The following CCDC7 variants were observed in gnomAD, a reference collection of about 807,000 sequenced individuals.
CCDC7 encodes coiled-coil domain containing 7.
CCDC7 carries 183 observed loss-of-function variants against 196.9 expected under a neutral mutation model. That is an observed-to-expected ratio of 0.93 (90% CI 0.82 to 1.05). The LOEUF (loss-of-function observed/expected upper bound fraction) is 1.05, where lower values mean the gene tolerates loss of function less well. Among genes scored for constraint, CCDC7 ranks in the 50% least tolerant of loss-of-function variants. The pLI is 0.00. For synonymous variants in CCDC7, 525 were observed against 484.6 expected, an observed-to-expected ratio of 1.08 and a Z score of -1.10; for missense variants, 1,540 against 1,482.2, an observed-to-expected ratio of 1.04 and a Z score of -0.64.
chr10:32,666,916 G>A (rs940486253), intron 21 of CCDC7, among the ~76,000 whole-genome samples: 60 of 152,066 alleles, frequency 3.9e-4, no homozygotes, highest in African/African-American at 1.3e-3. Context: ...GGGTCAAATG[G>A]TATTTCTAGT....
At chr10:32,518,444 AGTT>A (rs1323921964) in exon 11 of CCDC7, 3 of 1,605,168 alleles carry the variant, frequency 1.9e-6, no homozygotes, top group Non-Finnish European at 2.6e-6. Flanking sequence ...TGTGATTTTC[AGTT>A]GTTATCAGAA....
chr10:32,832,144 A>G (rs777694224), intron 32 of CCDC7, among the ~76,000 whole-genome samples: 12 of 152,212 alleles, frequency 7.9e-5, no homozygotes, highest in Non-Finnish European at 1.3e-4. Flanking sequence ...TTGTATGGTT[A>G]CATGAGTGTA....
chr10:32,809,396 A>T (rs2135281818), intron 30 of CCDC7, among the ~76,000 whole-genome samples: 1 of 152,306 alleles, frequency 6.6e-6, no homozygotes, highest in African/African-American at 2.4e-5. Context: ...TAAGAAAAGA[A>T]CCAAACAGAA....
intron 28 of CCDC7, among the ~76,000 whole-genome samples, chr10:32,739,895 T>C (rs2085531838): frequency 6.6e-6 from 1 of 151,928 alleles, no homozygotes; most frequent in Non-Finnish European, 1.5e-5. Context: ...GGTTTCCTTT[T>C]AGATAGGGTC....
chr10:32,625,993 A>G, intron 18 of CCDC7, among the ~76,000 whole-genome samples: 1 of 152,108 alleles, frequency 6.6e-6, no homozygotes, highest in Non-Finnish European at 1.5e-5. Context: ...TGATTCCATT[A>G]CTTGGCTATC....
intron 9 of CCDC7, among the ~76,000 whole-genome samples, chr10:32,494,169 G>C (rs2042552749): frequency 6.6e-6 from 1 of 152,028 alleles, no homozygotes; most frequent in Admixed American, 6.6e-5. Flanking sequence ...TACAGTTTCA[G>C]GTTTTACGTT....
chr10:32,556,995 G>A (rs760639834), intron 13 of CCDC7, among the ~76,000 whole-genome samples: 2 of 152,148 alleles, frequency 1.3e-5, no homozygotes, highest in African/African-American at 2.4e-5. Flanking sequence ...TGTTGAAATC[G>A]CTTGTGCAGT....
At chr10:32,558,674 C>T (rs2054774431) in intron 13 of CCDC7, among the ~76,000 whole-genome samples, 2 of 152,270 alleles carry the variant, frequency 1.3e-5, no homozygotes, top group South Asian at 2.1e-4. Flanking sequence ...AAGAATTTAC[C>T]TATGAGGGAG....
intron 41 of CCDC7, among the ~76,000 whole-genome samples, chr10:32,874,753 TACAC>T (rs3035173): frequency 0.13 from 19,435 of 145,260 alleles, 1,376 homozygotes; most frequent in East Asian, 0.3. Context: ...CCAACATATC[TACAC>T]ACACACACAC....
intron 16 of CCDC7, among the ~76,000 whole-genome samples, chr10:32,577,384 CTAGGG>C (rs1398296301): frequency 6.6e-6 from 1 of 151,934 alleles, no homozygotes; most frequent in East Asian, 1.9e-4. Context: ...GAGTTCTGTC[CTAGGG>C]AACCCAATAG....
At chr10:32,625,947 C>T (rs1415453899) in intron 18 of CCDC7, among the ~76,000 whole-genome samples, 2 of 152,092 alleles carry the variant, frequency 1.3e-5, no homozygotes, top group South Asian at 2.1e-4. Flanking sequence ...CTATGTACTA[C>T]ATTTTCTTTA....
At chr10:32,646,734 C>T (rs2067835412) in intron 20 of CCDC7, among the ~76,000 whole-genome samples, 1 of 152,094 alleles carries the variant, frequency 6.6e-6, no homozygotes, top group African/African-American at 2.4e-5. Flanking sequence ...AACCCACCAC[C>T]ACCTTCCACC....
rs891824138 is a variant in CCDC7 at position 32,511,800 on chromosome 10, G to T, written c.873-6145G>T. 5 of 1,188,494 alleles carry T rather than the reference G, an allele frequency of 4.2e-6. No individual in the cohort carries two copies. The African/African-American group carries it at 6.1e-5, about 14-fold the overall frequency. 73.6% of individuals were successfully genotyped at this position (1,188,494 alleles called of 1,614,324 possible). ...CGGAAAGCGGTCGGGCAACGATGAC[G>T]ACAATGACGCGCCAGCTCTGCCCGC... On this transcript the variant is annotated intron_variant, in intron 9 of 41. Transcript: ENST00000639629.
intron 18 of CCDC7, among the ~76,000 whole-genome samples, chr10:32,595,022 T>A (rs553985035): frequency 2.0e-4 from 30 of 152,344 alleles, no homozygotes; most frequent in African/African-American, 7.2e-4. Flanking sequence ...TTTTTTGTTG[T>A]ATCCCTGCTA....
chr10:32,845,799 A>C, intron 35 of CCDC7, 77 bp from the exon 37 acceptor site: 1 of 1,257,638 alleles, frequency 8.0e-7, no homozygotes, highest in Non-Finnish European at 1.2e-6. Context: ...ACACACATAC[A>C]CACACACACA....
intron 9 of CCDC7, among the ~76,000 whole-genome samples, chr10:32,500,299 T>C (rs1589236223): frequency 2.0e-5 from 3 of 148,454 alleles, no homozygotes; most frequent in South Asian, 2.2e-4. Flanking sequence ...ACGGGGCAGC[T>C]GCTGGGCGGA....
chr10:32,764,978 G>C (rs75345365), intron 28 of CCDC7, among the ~76,000 whole-genome samples: 5,998 of 151,386 alleles, frequency 0.04, 132 homozygotes, highest in Middle Eastern at 0.052. Flanking sequence ...TTGTTGAAGT[G>C]ACACAAATGG....
intron 6 of CCDC7, 25 bp from the exon 8 acceptor site, chr10:32,472,456 T>C (rs1564378002): frequency 6.4e-7 from 1 of 1,552,946 alleles, no homozygotes; most frequent in Non-Finnish European, 8.7e-7. Context: ...TATTAAAAAA[T>C]ATTTCATTTA....
chr10:32,689,083 T>C (rs757463742), exon 23 of CCDC7: 10 of 1,606,252 alleles, frequency 6.2e-6, no homozygotes, highest in South Asian at 1.1e-5. Context: ...GAAAATCTTA[T>C]ACTTAGGCAT....
Sources: gnomAD v4.1 joint callset for allele counts (sites outside exome capture counted in the v4.1 genomes callset) on GRCh38, gnomAD v4.1.1 for gene constraint, MANE v1.5 for transcripts, NCBI Gene and HGNC (gene_info 2026-07-23, HGNC 2026-07-21) for gene names.